The following LZTR1 variants were observed in gnomAD, a reference collection of about 807,000 sequenced individuals.
The protein encoded by LZTR1 is leucine-zipper-like transcriptional regulator 1.
LZTR1 carries 260 observed loss-of-function variants against 105.7 expected under a neutral mutation model. That is an observed-to-expected ratio of 2.46 (90% CI 2.22 to 2.72). The LOEUF is 2.72. LZTR1 is among the 30% of genes most tolerant of loss of function. The pLI is 0.00. For synonymous variants in LZTR1, 490 were observed against 476.4 expected, an observed-to-expected ratio of 1.03 and a Z score of -0.37; for missense variants, 1,214 against 1,166.9, an observed-to-expected ratio of 1.04 and a Z score of -0.59.
At chr22:20,995,215 G>A (rs1924787334) in intron 16 of LZTR1, 189 bp downstream of exon 16, 2 of 710,260 alleles carry the variant, frequency 2.8e-6, no homozygotes, top group African/African-American at 3.5e-5. Flanking sequence ...CATGGGGCTT[G>A]CCACAGTGGG....
rs116921548 is a variant in LZTR1, at chr22:20,997,425, C to T, written c.*77C>T. ...CCTACTGAGAAGACTACCGGCTATGCGCATGCCTATGGCAGTGGGTGCACC... is the reference window on the plus strand; with the variant it reads ...CCTACTGAGAAGACTACCGGCTATGTGCATGCCTATGGCAGTGGGTGCACC... On this transcript the variant is annotated 3_prime_UTR_variant, in exon 21 of 21. Transcript: ENST00000646124. 10 of 1,111,228 alleles carry T rather than the reference C, an allele frequency of 9.0e-6. No individual in the cohort carries two copies. The highest frequency in any genetic ancestry group is 4.6e-5 in the African/African-American group (3 of 65,410). 68.8% of individuals were successfully genotyped at this position (1,111,228 alleles called of 1,614,324 possible).
At chr22:20,990,746 T>C in intron 8 of LZTR1, 1 of 530,374 alleles carries the variant, frequency 1.9e-6, no homozygotes, top group Non-Finnish European at 3.3e-6. Context: ...AGGAGGCCCC[T>C]GGCTAGGCCT....
chr22:20,993,547 C>T (rs1924678446), intron 11 of LZTR1, 115 bp from the exon 12 acceptor site: 6 of 807,518 alleles, frequency 7.4e-6, no homozygotes, highest in East Asian at 2.7e-5. Flanking sequence ...CCACCTGCCT[C>T]CTGGGCCCTG....
chr22:20,987,626 C>T (rs1601717080), intron 4 of LZTR1, 43 bp downstream of exon 4: 4 of 1,526,118 alleles, frequency 2.6e-6, no homozygotes, highest in South Asian at 1.1e-5. Flanking sequence ...CGCCCCGAGG[C>T]CCACAGACAC....
intron 5 of LZTR1, among the ~76,000 whole-genome samples, chr22:20,988,369 C>G (rs1291686292): frequency 6.6e-6 from 1 of 152,158 alleles, no homozygotes; most frequent in Non-Finnish European, 1.5e-5. Flanking sequence ...CTTTGGGAAG[C>G]CGAGGTGGGA....
intron 9 of LZTR1, 63 bp downstream of exon 9, chr22:20,991,892 C>A (rs1924621570): frequency 7.0e-7 from 1 of 1,436,772 alleles, no homozygotes. Context: ...ACCCTGCTCC[C>A]ACCCAGCTCC....
intron 18 of LZTR1, chr22:20,996,388 G>C: frequency 1.0e-5 from 6 of 593,974 alleles, no homozygotes; most frequent in South Asian, 1.0e-4. Context: ...TGACAGTTGA[G>C]CACAGACATG....
At chr22:20,987,413 A>G in intron 3 of LZTR1, 91 bp from the exon 4 acceptor site, 3 of 709,152 alleles carry the variant, frequency 4.2e-6, no homozygotes, top group Non-Finnish European at 7.6e-6. Context: ...AGAAAAAAGA[A>G]AGGCAGCACA....
In LZTR1 at chr22:20,996,755, G is replaced by A. The variant is rs1181002142; in HGVS notation, c.2279G>A (p.Cys760Tyr). ...TACAACAACCGGCTGCAGGCGTACT[G>A]CAAGCAGAACCTGGAGATGAACGTG... ...GFYNNRLQAYCKQNLEMNVTV... is the reference protein window; with the variant it reads ...GFYNNRLQAYYKQNLEMNVTV... The change falls in exon 19 of 21, where the codon TGC becomes TAC. Residue 760 changes from cysteine (C) to tyrosine (Y), a missense_variant. Physicochemically the swap from Cys to Tyr is radical, Grantham distance 194. Coordinates refer to ENST00000646124, the MANE Select transcript of LZTR1 (RefSeq NM_006767.4). 1.9e-6 allele frequency: 3 copies of A among 1,613,568 alleles called. No homozygotes were observed. Among genetic ancestry groups the A allele is most frequent in the East Asian group, 2.2e-5 (1 of 44,852 alleles).
At chr22:20,984,776 G>A (rs899313403) in intron 2 of LZTR1, among the ~76,000 whole-genome samples, 3 of 152,150 alleles carry the variant, frequency 2.0e-5, no homozygotes, top group African/African-American at 7.2e-5. Flanking sequence ...CGTTCAGGGG[G>A]CACCCAGCAC....
intron 3 of LZTR1, among the ~76,000 whole-genome samples, 153 bp from the exon 4 acceptor site, chr22:20,987,351 T>A (rs2147961172): frequency 6.8e-6 from 1 of 147,120 alleles, no homozygotes; most frequent in South Asian, 2.1e-4. Flanking sequence ...ATCGTGCCAC[T>A]GCACTCCAGC....
chr22:20,996,822 A>C, intron 19 of LZTR1, 21 bp downstream of exon 19: 1 of 1,613,186 alleles, frequency 6.2e-7, no homozygotes, highest in Non-Finnish European at 8.5e-7. Flanking sequence ...AGCCCCGTGC[A>C]CATGGCTGCA....
chr22:20,983,981 C>T (rs1360538654), intron 2 of LZTR1, among the ~76,000 whole-genome samples: 1 of 152,242 alleles, frequency 6.6e-6, no homozygotes, highest in Admixed American at 6.5e-5. Context: ...CCTCTGCCCT[C>T]AGTCCCTCAC....
At chr22:20,992,725 C>T (rs1924649199) in intron 10 of LZTR1, 69 bp from the exon 11 acceptor site, 3 of 1,062,674 alleles carry the variant, frequency 2.8e-6, no homozygotes, top group African/African-American at 3.1e-5. Context: ...CTTGCCTTAC[C>T]TGGCTGCACC....
At position 20,995,773 on chromosome 22, in the gene LZTR1, C is replaced by T; in HGVS notation, c.1970C>T (p.Ala657Val). 1.2e-6 allele frequency: 2 copies of T among 1,613,594 alleles called. No homozygotes were observed. The highest frequency in any genetic ancestry group is 2.2e-5 in the East Asian group (1 of 44,850). Residue 657 changes from alanine to valine, a missense_variant, in exon 17 of 21, where the codon GCA (alanine) becomes GTA (valine). Coordinates refer to ENST00000646124, the MANE Select transcript of LZTR1 (RefSeq NM_006767.4). ...ACATCTCTGATCCAGGACATGAAGGCATACCTGGAGGGAGCGGGCGCGGAA... is the reference window on the plus strand; with the variant it reads ...ACATCTCTGATCCAGGACATGAAGGTATACCTGGAGGGAGCGGGCGCGGAA... ...IGTSLIQDMK[A>V]YLEGAGAEFC...
Position 20,997,589 on chromosome 22 carries a change from C to T in LZTR1, c.*241C>T, listed in dbSNP as rs62238542. On this transcript the variant is annotated 3_prime_UTR_variant, in exon 21 of 21. Coordinates refer to ENST00000646124, the MANE Select transcript of LZTR1 (RefSeq NM_006767.4). ...GCAGACCCCCTCCTGTCATCACCCT[C>T]TCCTGGTGTAGTGTGGATGCGAGGC... The T allele has an allele frequency of 0.014, 6,559 of 471,222 alleles. 69 individuals carry two copies. Among genetic ancestry groups the T allele is most frequent in the Non-Finnish European group, 0.02 (5,116 of 255,812 alleles). 29.2% of individuals were successfully genotyped at this position (471,222 alleles called of 1,614,324 possible). A position where few individuals can be genotyped will look rare whatever the true frequency, so the allele number is the denominator to read the frequency against.
chr22:20,993,330 G>A (rs906945275), intron 11 of LZTR1: 4 of 478,278 alleles, frequency 8.4e-6, no homozygotes, highest in African/African-American at 7.7e-5. Context: ...GTTGGGATGT[G>A]CTGGTGGGGG....
chr22:20,993,902 C>CT (rs770066175), intron 12 of LZTR1, 22 bp from the exon 13 acceptor site: 1 of 1,605,812 alleles, frequency 6.2e-7, no homozygotes, highest in South Asian at 1.1e-5. Flanking sequence ...TGCCCTCTGC[C>CT]AGTGCATCAT....
rs373399489 is a variant in LZTR1, at chr22:20,993,903, A to G, written c.1354-21A>G. On this transcript the variant is annotated intron_variant, in intron 12 of 20. Transcript: ENST00000646124. ...GGGCGAGGGTCCTGTGCCCTCTGCC[A>G]GTGCATCATTCTTTGTGCAGAAGGA... The G allele has an allele frequency of 4.4e-6, 7 of 1,606,280 alleles. No homozygotes were observed. The African/African-American group carries it at 5.3e-5, about 12-fold the overall frequency.
Sources: gnomAD v4.1 joint callset for allele counts (sites outside exome capture counted in the v4.1 genomes callset) on GRCh38, gnomAD v4.1.1 for gene constraint, MANE v1.5 for transcripts, NCBI Gene and HGNC (gene_info 2026-07-23, HGNC 2026-07-21) for gene names.